The following CDH11 variants were observed in gnomAD, a reference collection of about 807,000 sequenced individuals.
CDH11 encodes cadherin-11.
Under a neutral mutation model 67.8 loss-of-function variants are expected in CDH11, and 11 were observed. The observed-to-expected ratio is 0.16, with a 90% CI of 0.10 to 0.27. CDH11 has a LOEUF of 0.27. Ranked by LOEUF, CDH11 falls within the 10% of genes least tolerant of loss-of-function variation. The pLI is 1.00. For synonymous variants in CDH11, 419 were observed against 400.0 expected (o/e 1.05, Z -0.57); for missense variants, 847 against 1,031.2 (o/e 0.82, Z 2.45).
intron 1 of CDH11, among the ~76,000 whole-genome samples, chr16:65,102,296 T>C (rs2075003763): frequency 1.3e-5 from 2 of 152,226 alleles, no homozygotes; most frequent in Non-Finnish European, 2.9e-5. Context: ...ACCCAAAATC[T>C]TACGGCCAAT....
intron 2 of CDH11, among the ~76,000 whole-genome samples, chr16:65,010,446 T>G (rs1434203248): frequency 6.6e-6 from 1 of 152,138 alleles, no homozygotes; most frequent in Non-Finnish European, 1.5e-5. Flanking sequence ...GAAGAAGTAT[T>G]ACAAGAATTA....
chr16:64,992,180 C>T (rs567701875), intron 5 of CDH11, among the ~76,000 whole-genome samples: 2 of 152,226 alleles, frequency 1.3e-5, no homozygotes, highest in Admixed American at 6.5e-5. Context: ...AGTAATAACC[C>T]TATTCTTCTC....
At chr16:65,108,537 G>A (rs1050530454) in intron 1 of CDH11, among the ~76,000 whole-genome samples, 3 of 152,174 alleles carry the variant, frequency 2.0e-5, no homozygotes, top group African/African-American at 7.2e-5. Context: ...GAGTGAAGTT[G>A]TTCAAGATAG....
At chr16:65,043,208 A>G (rs1014075053) in intron 2 of CDH11, among the ~76,000 whole-genome samples, 4 of 152,242 alleles carry the variant, frequency 2.6e-5, no homozygotes, top group Non-Finnish European at 5.9e-5. Context: ...ATAAGCATTC[A>G]GTGAAAACAA....
chr16:64,947,101 CATTGT>C lies in CDH11; in HGVS notation c.*497_*501del. The C allele has an allele frequency of 9.7e-7, 1 of 1,034,214 alleles. No homozygotes were observed. The highest frequency in any genetic ancestry group is 1.2e-6 in the Non-Finnish European group (1 of 858,958). 64.1% of individuals were successfully genotyped at this position (1,034,214 alleles called of 1,614,324 possible). On this transcript the variant is annotated 3_prime_UTR_variant, in exon 13 of 13. Transcript: ENST00000268603. ...TTGATGCTCAAGAGACATAATTGTACATTGTATTGTACATACATTGTATGGGTTTA... is the reference window on the plus strand; with the variant it reads ...TTGATGCTCAAGAGACATAATTGTACATTGTACATACATTGTATGGGTTTA...
chr16:65,036,169 G>A (rs1238268218), intron 2 of CDH11, among the ~76,000 whole-genome samples: 1 of 152,142 alleles, frequency 6.6e-6, no homozygotes, highest in African/African-American at 2.4e-5. Flanking sequence ...AGCTCTAAGA[G>A]GCTAAATAGC....
At chr16:65,047,675 T>G (rs145399263) in intron 2 of CDH11, among the ~76,000 whole-genome samples, 1,615 of 152,276 alleles carry the variant, frequency 0.011, 13 homozygotes, top group Non-Finnish European at 0.015. Flanking sequence ...TAACCGTCTT[T>G]ATCTATTTTA....
intron 2 of CDH11, among the ~76,000 whole-genome samples, chr16:65,045,519 C>A (rs932606190): frequency 2.4e-4 from 36 of 151,632 alleles, no homozygotes; most frequent in Non-Finnish European, 7.4e-5. Context: ...CTACAGTCTT[C>A]TAGATCCTCA....
intron 1 of CDH11, among the ~76,000 whole-genome samples, chr16:65,117,558 T>C (rs1027060048): frequency 6.6e-6 from 1 of 152,198 alleles, no homozygotes; most frequent in African/African-American, 2.4e-5. Flanking sequence ...TACTCTCTGC[T>C]AAAGTTAGGT....
At chr16:65,030,943 G>T (rs972176931) in intron 2 of CDH11, among the ~76,000 whole-genome samples, 4 of 152,176 alleles carry the variant, frequency 2.6e-5, no homozygotes, top group African/African-American at 9.7e-5. Context: ...GGAGAAGGTA[G>T]AATAGGCCCT....
At chr16:65,111,164 G>A (rs961745528) in intron 1 of CDH11, among the ~76,000 whole-genome samples, 2 of 152,124 alleles carry the variant, frequency 1.3e-5, no homozygotes, top group Non-Finnish European at 2.9e-5. Flanking sequence ...TCAGTAGACT[G>A]GATCAATTGA....
chr16:65,112,837 C>T (rs908280571), intron 1 of CDH11, among the ~76,000 whole-genome samples: 6 of 152,172 alleles, frequency 3.9e-5, no homozygotes, highest in African/African-American at 1.4e-4. Context: ...TGATCACGAA[C>T]TTCCAAATAA....
At position 65,043,158 on chromosome 16, in the gene CDH11, C is replaced by A. The variant is rs1484241128; in HGVS notation, c.-173+10646G>T. Among the ~76,000 whole-genome samples, 2 of 152,228 alleles carry A rather than the reference C, an allele frequency of 1.3e-5. 1 individual carries two copies. The highest frequency in any genetic ancestry group is 2.9e-5 in the Non-Finnish European group (2 of 68,044). On this transcript the variant is annotated intron_variant, in intron 2 of 12. Coordinates refer to ENST00000268603, the MANE Select transcript of CDH11 (RefSeq NM_001797.4). ...AGGTCCTTTTCTGTCTTGTTCACCA[C>A]AGTATCTTGGTACCTAGTACAGTGT...
intron 2 of CDH11, among the ~76,000 whole-genome samples, chr16:65,019,874 T>G (rs1597099849): frequency 1.3e-5 from 2 of 152,056 alleles, no homozygotes; most frequent in South Asian, 4.1e-4. Context: ...TTAAAACAAT[T>G]CTTTAACCCT....
intron 8 of CDH11, among the ~76,000 whole-genome samples, chr16:64,978,488 G>T (rs1425577728): frequency 6.6e-6 from 1 of 152,010 alleles, no homozygotes; most frequent in African/African-American, 2.4e-5. Context: ...AAAAATAGGT[G>T]GTGAGAAAAA....
intron 1 of CDH11, among the ~76,000 whole-genome samples, chr16:65,062,993 C>T (rs1220237124): frequency 2.0e-5 from 3 of 152,180 alleles, no homozygotes; most frequent in East Asian, 3.9e-4. Flanking sequence ...CACCCAGGGT[C>T]GGCAGGGGAA....
At chr16:65,114,666 C>T (rs2075212857) in intron 1 of CDH11, among the ~76,000 whole-genome samples, 2 of 152,080 alleles carry the variant, frequency 1.3e-5, no homozygotes, top group Admixed American at 1.3e-4. Context: ...GGAGGGAACG[C>T]CAGCCTGGAG....
At chr16:65,015,440 G>GA (rs2073282886) in intron 2 of CDH11, among the ~76,000 whole-genome samples, 1 of 150,432 alleles carries the variant, frequency 6.6e-6, no homozygotes, top group Non-Finnish European at 1.5e-5. Flanking sequence ...ATAAAATAAA[G>GA]AGTGAAAAAA....
intron 8 of CDH11, among the ~76,000 whole-genome samples, chr16:64,979,643 A>G (rs115603235): frequency 6.6e-6 from 1 of 152,196 alleles, no homozygotes; most frequent in Non-Finnish European, 1.5e-5. Context: ...TGGTACAGCC[A>G]CTGTGGAAAA....
Sources: gnomAD v4.1 joint callset for allele counts (sites outside exome capture counted in the v4.1 genomes callset) on GRCh38, gnomAD v4.1.1 for gene constraint, MANE v1.5 for transcripts, NCBI Gene and HGNC (gene_info 2026-07-23, HGNC 2026-07-21) for gene names.